Variants in RECK observed in about 807,000 individuals in gnomAD.
The protein encoded by RECK is reversion inducing cysteine rich protein with kazal motifs.
In RECK, 69 loss-of-function variants were observed where a neutral mutation model predicts 115.1. The observed-to-expected ratio is 0.60, with a 90% CI of 0.49 to 0.73. The LOEUF (loss-of-function observed/expected upper bound fraction) is 0.73, where lower values mean the gene tolerates loss of function less well. Among genes scored for constraint, RECK ranks in the 30% least tolerant of loss-of-function variants. The pLI, the probability that RECK is intolerant of heterozygous loss-of-function variation, is 0.00. For synonymous variants in RECK, 414 were observed against 419.7 expected (o/e 0.99, Z 0.17); for missense variants, 1,047 against 1,203.7 (o/e 0.87, Z 1.93).
At chr9:36,043,648 T>A (rs899328439) in intron 1 of RECK, among the ~76,000 whole-genome samples, 3 of 152,228 alleles carry the variant, frequency 2.0e-5, no homozygotes, top group Non-Finnish European at 4.4e-5. Flanking sequence ...TTTTTACAGT[T>A]TCAGGTCTTA....
chr9:36,104,344 T>A (rs1823714239), intron 12 of RECK, among the ~76,000 whole-genome samples: 2 of 85,640 alleles, frequency 2.3e-5, no homozygotes, highest in South Asian at 4.6e-4. Flanking sequence ...TTTTTTTTTT[T>A]TTTTTTTTTT....
At position 36,110,149 on chromosome 9, in the gene RECK, C is replaced by T. The variant is rs1198747978; in HGVS notation, c.1888+70C>T. ...TTTGCACACATTTTTCCCTTCAAGG[C>T]AGCTTCTCCAGTCTTAACTGCAAAT... On this transcript the variant is annotated intron_variant, in intron 15 of 20. Transcript: ENST00000377966. 1.5e-5 allele frequency: 23 copies of T among 1,510,150 alleles called. No individual in the cohort carries two copies. The East Asian group carries it at 1.6e-4, about 11-fold the overall frequency. 93.5% of individuals were successfully genotyped at this position (1,510,150 alleles called of 1,614,324 possible).
intron 10 of RECK, among the ~76,000 whole-genome samples, chr9:36,097,076 C>T (rs1421656248): frequency 6.6e-6 from 1 of 152,108 alleles, no homozygotes; most frequent in East Asian, 1.9e-4. Flanking sequence ...GTAATCTCAA[C>T]ACTTTGGGAG....
At chr9:36,078,202 T>C (rs183123100) in intron 6 of RECK, among the ~76,000 whole-genome samples, 118 of 152,384 alleles carry the variant, frequency 7.7e-4, no homozygotes, top group African/African-American at 2.7e-3. Flanking sequence ...AAAGCTATTG[T>C]CCATAAGTAT....
At position 36,058,880 on chromosome 9, in the gene RECK, A is replaced by G. The variant is rs1286475241; in HGVS notation, c.213A>G (p.Pro71=). 1.9e-6 allele frequency: 3 copies of G among 1,587,224 alleles called. No individual in the cohort carries two copies. The highest frequency in any genetic ancestry group is 2.7e-5 in the African/African-American group (2 of 73,924). Residue 71 remains proline, a synonymous_variant, in exon 3 of 21, where the codon CCA becomes CCG. Transcript: ENST00000377966. ...SRLKHLLQRA[P]DYCPETMVEI... Reference sequence around the variant, plus strand: ...TAAAACATCTGTTGCAGCGAGCCCCAGATTATTGCCCAGAGACAATGGTAA... The same window carrying G: ...TAAAACATCTGTTGCAGCGAGCCCCGGATTATTGCCCAGAGACAATGGTAA...
chr9:36,120,413 G>A (rs1279436820), intron 18 of RECK, among the ~76,000 whole-genome samples: 2 of 152,106 alleles, frequency 1.3e-5, no homozygotes, highest in South Asian at 2.1e-4. Flanking sequence ...CTGTCTCTAT[G>A]CTATCTGCAC....
intron 6 of RECK, chr9:36,066,707 GCTAA>G (rs1310339971): frequency 1.1e-5 from 10 of 873,764 alleles, no homozygotes; most frequent in East Asian, 7.5e-5. Flanking sequence ...GAACAAAGTG[GCTAA>G]CTGTGATAAT....
Position 36,122,895 on chromosome 9 carries a change from C to T in RECK, c.2766C>T (p.Ser922=), listed in dbSNP as rs535536889. The part of the protein sequence containing the change: ...LINSDSPTLA[S]HVPLSALIIS... ...ACTCTGACAGCCCGACTTTGGCGTC[C>T]CATGTCCCTCTCTCTGCCCTCATCA... The change falls in exon 21 of 21, where the codon TCC becomes TCT. Residue 922 remains serine, a synonymous_variant. Transcript: ENST00000377966. 2 of 1,614,202 alleles carry T rather than the reference C, an allele frequency of 1.2e-6. No individual in the cohort carries two copies. Among genetic ancestry groups the T allele is most frequent in the South Asian group, 1.1e-5 (1 of 91,072 alleles).
intron 1 of RECK, among the ~76,000 whole-genome samples, chr9:36,046,529 G>A (rs982976362): frequency 1.3e-5 from 2 of 152,194 alleles, no homozygotes; most frequent in African/African-American, 2.4e-5. Flanking sequence ...AAATGTGACG[G>A]AGCAGAGGTC....
At chr9:36,116,355 G>A (rs939679410) in intron 16 of RECK, among the ~76,000 whole-genome samples, 1 of 152,070 alleles carries the variant, frequency 6.6e-6, no homozygotes, top group African/African-American at 2.4e-5. Context: ...CTCGACTCCC[G>A]ACCTCAGGTG....
In RECK at chr9:36,050,372, T is replaced by C. The variant is rs542111775; in HGVS notation, c.101-1893T>C. On this transcript the variant is annotated intron_variant, in intron 1 of 20. Coordinates refer to ENST00000377966, the MANE Select transcript of RECK (RefSeq NM_021111.3). Reference sequence around the variant, plus strand: ...TTACAGTCATTCTTAATTCTTTTTCTTCCATATTTCACTTCCAATCCATTA... The same window carrying C: ...TTACAGTCATTCTTAATTCTTTTTCCTCCATATTTCACTTCCAATCCATTA... Among the ~76,000 whole-genome samples, 5 of 152,312 alleles carry C rather than the reference T, an allele frequency of 3.3e-5. No individual in the cohort carries two copies. The South Asian group carries it at 1.0e-3, about 32-fold the overall frequency.
At chr9:36,038,208 G>C (rs1820745469) in intron 1 of RECK, among the ~76,000 whole-genome samples, 1 of 151,936 alleles carries the variant, frequency 6.6e-6, no homozygotes, top group South Asian at 2.1e-4. Flanking sequence ...AGCTACCCGC[G>C]AGGCTGAGAT....
chr9:36,111,009 G>A (rs1317853928), intron 15 of RECK, among the ~76,000 whole-genome samples: 5 of 152,206 alleles, frequency 3.3e-5, no homozygotes, highest in African/African-American at 1.2e-4. Flanking sequence ...GCTCAAGCAA[G>A]GACTATTCAT....
chr9:36,095,740 C>T (rs1361083396), intron 10 of RECK, among the ~76,000 whole-genome samples: 3 of 151,856 alleles, frequency 2.0e-5, no homozygotes, highest in African/African-American at 4.8e-5. Flanking sequence ...AGTTTGAGAC[C>T]AGCCTGGGCA....
intron 6 of RECK, among the ~76,000 whole-genome samples, chr9:36,074,156 A>C (rs1011089259): frequency 6.6e-6 from 1 of 152,142 alleles, no homozygotes; most frequent in Non-Finnish European, 1.5e-5. Flanking sequence ...TCTTCTCTCC[A>C]CACACATAAA....
intron 2 of RECK, among the ~76,000 whole-genome samples, chr9:36,057,670 A>G (rs994643561): frequency 2.6e-5 from 4 of 152,160 alleles, no homozygotes; most frequent in Non-Finnish European, 5.9e-5. Context: ...AAATACAGAA[A>G]TTAGCCTGGC....
At chr9:36,053,883 A>C (rs1350588902) in intron 2 of RECK, among the ~76,000 whole-genome samples, 1 of 152,216 alleles carries the variant, frequency 6.6e-6, no homozygotes, top group Non-Finnish European at 1.5e-5. Flanking sequence ...GAAATAAGGC[A>C]GATAGGTCCA....
chr9:36,114,115 T>C (rs1306630971), intron 16 of RECK, among the ~76,000 whole-genome samples: 4 of 152,204 alleles, frequency 2.6e-5, no homozygotes, highest in Non-Finnish European at 5.9e-5. Flanking sequence ...ATAGTGGGGA[T>C]TGCTCTTAAG....
At chr9:36,085,129 AT>A in intron 8 of RECK, 1 of 176,124 alleles carries the variant, frequency 5.7e-6, no homozygotes, top group South Asian at 8.5e-5. Flanking sequence ...AGTGTGATAT[AT>A]TTTTAGTTTA....
Sources: allele counts gnomAD v4.1 joint callset (sites outside exome capture counted in the v4.1 genomes callset), GRCh38; gene constraint gnomAD v4.1.1; transcripts MANE v1.5; gene names NCBI Gene and HGNC (gene_info 2026-07-23, HGNC 2026-07-21).